The following ADAM2 variants were observed in gnomAD, a reference collection of about 807,000 sequenced individuals.
ADAM2 encodes the protein ADAM metallopeptidase domain 2.
Under a neutral mutation model 99.3 loss-of-function variants are expected in ADAM2, and 101 were observed. The observed-to-expected ratio is 1.02, with a 90% confidence interval of 0.87 to 1.20. The LOEUF (loss-of-function observed/expected upper bound fraction) is 1.20. Ranked by LOEUF, ADAM2 falls within the 50% of genes most tolerant of loss-of-function variation. The pLI, the probability that ADAM2 is intolerant of heterozygous loss-of-function variation, is 0.00. For synonymous variants in ADAM2, 323 were observed against 287.6 expected, an observed-to-expected ratio of 1.12 and a Z score of -1.25; for missense variants, 948 against 878.7, an observed-to-expected ratio of 1.08 and a Z score of -1.00.
At chr8:39,800,300 A>G (rs1014235323) in intron 7 of ADAM2, among the ~76,000 whole-genome samples, 3 of 152,174 alleles carry the variant, frequency 2.0e-5, no homozygotes, top group African/African-American at 7.2e-5. Flanking sequence ...ATTTGGCTGG[A>G]TATTAAATTC....
At chr8:39,791,186 C>T (rs767907123) in intron 7 of ADAM2, among the ~76,000 whole-genome samples, 2 of 151,950 alleles carry the variant, frequency 1.3e-5, no homozygotes, top group Non-Finnish European at 2.9e-5. Flanking sequence ...GAGATAATAG[C>T]CAAGCCAGCC....
chr8:39,784,092 T>C (rs1253786661), intron 10 of ADAM2, among the ~76,000 whole-genome samples: 1 of 152,180 alleles, frequency 6.6e-6, no homozygotes, highest in African/African-American at 2.4e-5. Flanking sequence ...TAAATTGCAA[T>C]CTACAGCCCT....
At chr8:39,755,121 T>G (rs1802097057) in intron 16 of ADAM2, among the ~76,000 whole-genome samples, 1 of 152,182 alleles carries the variant, frequency 6.6e-6, no homozygotes, top group Non-Finnish European at 1.5e-5. Flanking sequence ...TATCAAAAGA[T>G]AATTTATGAC....
At chr8:39,806,733 T>C (rs1248238717) in intron 7 of ADAM2, among the ~76,000 whole-genome samples, 1 of 152,074 alleles carries the variant, frequency 6.6e-6, no homozygotes, top group Non-Finnish European at 1.5e-5. Context: ...GAACCAAAAG[T>C]TGAAGATTTG....
rs545821972 is a variant in ADAM2 at position 39,777,050 on chromosome 8, C to A, written c.1003G>T (p.Val335Phe). ...DINKCQCSGA[V>F]CIMNPEAIHF... ...ATTGCTTCTGGATTCATAATGCAGA[C>A]AGCTCCTGAGCACTGGCATTTGTTA... Residue 335 changes from valine to phenylalanine, a missense_variant, in exon 11 of 21, where the codon GTC (valine) becomes TTC (phenylalanine). Val to Phe is a conservative substitution (Grantham distance 50). Coordinates refer to ENST00000265708, the MANE Select transcript of ADAM2 (RefSeq NM_001464.5). The A allele has an allele frequency of 1.3e-6, 2 of 1,590,276 alleles. No individual in the cohort carries two copies. Among genetic ancestry groups the A allele is most frequent in the Non-Finnish European group, 8.6e-7 (1 of 1,159,190 alleles).
At chr8:39,775,669 A>T (rs1348731243) in intron 11 of ADAM2, among the ~76,000 whole-genome samples, 2 of 152,120 alleles carry the variant, frequency 1.3e-5, no homozygotes, top group Non-Finnish European at 2.9e-5. Flanking sequence ...GAAAATCCCT[A>T]CAAGGATATT....
intron 7 of ADAM2, among the ~76,000 whole-genome samples, chr8:39,803,855 T>C (rs550254243): frequency 3.7e-4 from 56 of 152,268 alleles, no homozygotes; most frequent in African/African-American, 1.3e-3. Flanking sequence ...TTTGCTTATT[T>C]GTTTTGTTTT....
intron 16 of ADAM2, among the ~76,000 whole-genome samples, chr8:39,753,757 A>G (rs1802045392): frequency 6.6e-6 from 1 of 152,196 alleles, no homozygotes; most frequent in African/African-American, 2.4e-5. Flanking sequence ...CCACCGGAAT[A>G]GTAAATCCAT....
intron 11 of ADAM2, among the ~76,000 whole-genome samples, chr8:39,771,095 C>A (rs191662879): frequency 1.3e-5 from 2 of 152,164 alleles, no homozygotes; most frequent in Non-Finnish European, 2.9e-5. Flanking sequence ...CCAACTCCTC[C>A]GAGGTCATTC....
chr8:39,806,987 A>T (rs962194445), intron 7 of ADAM2, among the ~76,000 whole-genome samples: 5 of 152,144 alleles, frequency 3.3e-5, no homozygotes, highest in African/African-American at 1.2e-4. Flanking sequence ...AGAGGAAAAG[A>T]TACCCTGAAG....
intron 15 of ADAM2, among the ~76,000 whole-genome samples, chr8:39,760,206 G>C (rs1802296306): frequency 1.3e-5 from 2 of 152,048 alleles, no homozygotes; most frequent in Admixed American, 1.3e-4. Context: ...ACAGATAATA[G>C]TTAGCACTCA....
chr8:39,788,601 C>T, intron 8 of ADAM2, 68 bp downstream of exon 8: 1 of 1,107,968 alleles, frequency 9.0e-7, no homozygotes, highest in Non-Finnish European at 1.3e-6. Flanking sequence ...CATGTAGTGT[C>T]ATAATGAGGT....
rs1383072792 is a variant in ADAM2, at chr8:39,788,677, T to A, written c.634A>T (p.Thr212Ser). Residue 212 changes from threonine (T) to serine (S), a missense_variant, in exon 8 of 21, where the codon ACG (threonine) becomes TCG (serine). Thr to Ser is a moderately conservative substitution (Grantham distance 58, BLOSUM62 1). Transcript: ENST00000265708. ...AQKVFQLIGLTNAIFVSFNIT... is the reference protein window; with the variant it reads ...AQKVFQLIGLSNAIFVSFNIT... ...AAGAAGCAAAGACTTACAGCATTCG[T>A]CAATCCAATCAACTGGAAAACTTTT... 1 of 1,579,024 alleles carries A rather than the reference T, an allele frequency of 6.3e-7. No individual in the cohort carries two copies. Among genetic ancestry groups the A allele is most frequent in the Non-Finnish European group, 8.6e-7 (1 of 1,159,886 alleles).
At chr8:39,792,258 C>A (rs1483328878) in intron 7 of ADAM2, among the ~76,000 whole-genome samples, 3 of 151,854 alleles carry the variant, frequency 2.0e-5, no homozygotes, top group African/African-American at 7.3e-5. Context: ...CCTTACTAAA[C>A]ATAATTTAGA....
At chr8:39,800,644 C>T (rs555323368) in intron 7 of ADAM2, among the ~76,000 whole-genome samples, 5 of 152,248 alleles carry the variant, frequency 3.3e-5, no homozygotes, top group African/African-American at 1.2e-4. Flanking sequence ...CCATTCTCCC[C>T]ATCTCCTTCT....
chr8:39,791,119 A>T (rs1422510284), intron 7 of ADAM2, among the ~76,000 whole-genome samples: 3 of 152,030 alleles, frequency 2.0e-5, no homozygotes, highest in Non-Finnish European at 4.4e-5. Flanking sequence ...TTTCATGTTA[A>T]TAAACTAAAA....
At chr8:39,808,934 T>C (rs1412403015) in intron 7 of ADAM2, among the ~76,000 whole-genome samples, 1 of 151,832 alleles carries the variant, frequency 6.6e-6, no homozygotes. Context: ...AATAAATAAA[T>C]ACATAAAGAA....
intron 10 of ADAM2, among the ~76,000 whole-genome samples, chr8:39,782,287 T>G (rs1803266990): frequency 6.6e-6 from 1 of 152,202 alleles, no homozygotes. Flanking sequence ...TTATAATGAT[T>G]GATTTCAAAT....
At chr8:39,784,516 C>T (rs1366990034) in intron 10 of ADAM2, among the ~76,000 whole-genome samples, 7 of 152,090 alleles carry the variant, frequency 4.6e-5, no homozygotes, top group Non-Finnish European at 8.8e-5. Flanking sequence ...CTACAGGGGC[C>T]TTCCACCATG....
Sources: gnomAD v4.1 joint callset for allele counts (sites outside exome capture counted in the v4.1 genomes callset) on GRCh38, gnomAD v4.1.1 for gene constraint, MANE v1.5 for transcripts, NCBI Gene and HGNC (gene_info 2026-07-23, HGNC 2026-07-21) for gene names.